Variants in SYNCRIP observed in about 807,000 individuals in gnomAD.
SYNCRIP encodes heterogeneous nuclear ribonucleoprotein Q.
In SYNCRIP, 9 loss-of-function variants were observed where a neutral mutation model predicts 68.9. That is an observed-to-expected ratio of 0.13 (90% confidence interval 0.08 to 0.23). The LOEUF is 0.23. SYNCRIP is among the 10% of genes least tolerant of loss of function. The pLI, the probability that SYNCRIP is intolerant of heterozygous loss-of-function variation, is 1.00. For missense variants in SYNCRIP, 414 were observed against 770.6 expected, an observed-to-expected ratio of 0.54 and a Z score of 5.48; for synonymous variants, 258 against 254.0, an observed-to-expected ratio of 1.02 and a Z score of -0.15.
chr6:85,637,851 A>AG (rs1317561568), intron 4 of SYNCRIP, among the ~76,000 whole-genome samples: 1 of 152,186 alleles, frequency 6.6e-6, no homozygotes, highest in East Asian at 1.9e-4. Flanking sequence ...TGGGAGCTAC[A>AG]GGGAAAAAAA....
chr6:85,607,838 G>A (rs892813315), downstream of SYNCRIP: 1 of 151,986 alleles, frequency 6.6e-6, no homozygotes. Context: ...CAAACTTCCA[G>A]GACTGTTCTG....
intron 8 of SYNCRIP, among the ~76,000 whole-genome samples, chr6:85,622,096 G>A (rs1318030060): frequency 6.6e-6 from 1 of 152,160 alleles, no homozygotes; most frequent in Non-Finnish European, 1.5e-5. Context: ...CCAGGGCCAG[G>A]TGCAATAGCC....
intron 6 of SYNCRIP, among the ~76,000 whole-genome samples, chr6:85,633,257 AAAACAAATAAAT>A (rs1261979730): frequency 1.5e-5 from 2 of 137,860 alleles, no homozygotes; most frequent in Admixed American, 7.0e-5. Context: ...CTCCATCTCA[AAAACAAATAAAT>A]AAATAAATAA....
intron 10 of SYNCRIP, among the ~76,000 whole-genome samples, chr6:85,616,155 G>A (rs1310657859): frequency 1.3e-5 from 2 of 152,060 alleles, no homozygotes; most frequent in Non-Finnish European, 2.9e-5. Flanking sequence ...TATGTAAAAG[G>A]ACTAAACGAA....
intron 2 of SYNCRIP, 82 bp downstream of exon 2, chr6:85,641,210 A>G (rs947964042): frequency 7.4e-6 from 9 of 1,210,618 alleles, no homozygotes; most frequent in Non-Finnish European, 1.1e-5. Context: ...ATTGGAAACC[A>G]CAAAAAGTTG....
intron 6 of SYNCRIP, among the ~76,000 whole-genome samples, chr6:85,633,727 C>G (rs1051629515): frequency 2.0e-5 from 3 of 151,914 alleles, no homozygotes; most frequent in African/African-American, 4.8e-5. Flanking sequence ...CTCTGTTGCC[C>G]AGGCTGGAGT....
At chr6:85,628,335 C>T (rs1255597660) in intron 6 of SYNCRIP, among the ~76,000 whole-genome samples, 1 of 152,224 alleles carries the variant, frequency 6.6e-6, no homozygotes, top group African/African-American at 2.4e-5. Flanking sequence ...GGATCACAGG[C>T]ATGATCCACC....
At chr6:85,627,316 C>G (rs1218319884) in intron 6 of SYNCRIP, among the ~76,000 whole-genome samples, 4 of 149,568 alleles carry the variant, frequency 2.7e-5, no homozygotes, top group African/African-American at 9.8e-5. Context: ...ACAGGTAACA[C>G]AGAGAGTCAA....
rs999786906 is a variant in SYNCRIP, at chr6:85,637,237, C to A, written c.489+6G>T. 1 of 1,612,718 alleles carries A rather than the reference C, an allele frequency of 6.2e-7. No individual in the cohort carries two copies. The highest frequency in any genetic ancestry group is 8.5e-7 in the Non-Finnish European group (1 of 1,179,444). On this transcript the variant is annotated splice_donor_region_variant and intron_variant, in intron 5 of 10. Transcript: ENST00000369622. ...TACAAAAGGTACAAGTTTTTAGTTG[C>A]TTTACCTCAGTGCCAACAGAAGGCT... is the stretch of plus-strand genomic sequence containing the variant.
chr6:85,632,276 G>C (rs1029268452), intron 6 of SYNCRIP, among the ~76,000 whole-genome samples: 5 of 152,126 alleles, frequency 3.3e-5, no homozygotes, highest in Admixed American at 6.5e-5. Flanking sequence ...GAGAAACAGA[G>C]GTGCTTCAAT....
chr6:85,638,380 CAAAAAAAAAAAAAAA>C (rs71003001), intron 4 of SYNCRIP, among the ~76,000 whole-genome samples: 5 of 42,848 alleles, frequency 1.2e-4, no homozygotes, highest in African/African-American at 3.0e-4. Context: ...GACCCCATCT[CAAAAAAAAAAAAAAA>C]AAAAAAAAAA....
In SYNCRIP at chr6:85,614,419, A is replaced by T. The variant is rs1232166755; in HGVS notation, c.*337T>A. The T allele has an allele frequency of 9.8e-7, 1 of 1,020,582 alleles. No individual in the cohort carries two copies. The highest frequency in any genetic ancestry group is 1.2e-6 in the Non-Finnish European group (1 of 853,778). The allele number at this position is 1,020,582 out of a possible 1,614,324, so 63.2% of individuals were successfully genotyped here. A position where few individuals can be genotyped will look rare whatever the true frequency, so the allele number is the denominator to read the frequency against. On this transcript the variant is annotated 3_prime_UTR_variant, in exon 11 of 11. Coordinates refer to ENST00000369622, the MANE Select transcript of SYNCRIP (RefSeq NM_006372.5). ...ATTAAAGACACACTTGGTTTTAATC[A>T]ACTACCTTTGAAGACACCAAATCTA...
chr6:85,632,348 T>C (rs1807895726), intron 6 of SYNCRIP, among the ~76,000 whole-genome samples: 1 of 152,186 alleles, frequency 6.6e-6, no homozygotes, highest in South Asian at 2.1e-4. Context: ...TTTAGTTATA[T>C]ATAACTAGAA....
At chr6:85,617,652 T>G (rs1805938325) in intron 10 of SYNCRIP, among the ~76,000 whole-genome samples, 1 of 152,222 alleles carries the variant, frequency 6.6e-6, no homozygotes, top group African/African-American at 2.4e-5. Flanking sequence ...CTGAAGAAAT[T>G]GAGGTTCAGA....
chr6:85,623,155 C>T (rs1275531473), intron 7 of SYNCRIP, among the ~76,000 whole-genome samples: 4 of 152,072 alleles, frequency 2.6e-5, no homozygotes, highest in Admixed American at 6.6e-5. Flanking sequence ...AAGTTGATAA[C>T]AGGCTGATAA....
chr6:85,623,583 A>AAAAAAACAAAAAAC (rs1562087872), intron 7 of SYNCRIP, among the ~76,000 whole-genome samples: 4 of 144,006 alleles, frequency 2.8e-5, no homozygotes, highest in African/African-American at 1.0e-4. Flanking sequence ...AAAAAAAAAA[A>AAAAAAACAAAAAAC]CACTCTGCTA....
downstream of SYNCRIP, chr6:85,611,600 G>C (rs1035535980): frequency 3.3e-5 from 5 of 152,374 alleles, no homozygotes; most frequent in African/African-American, 1.2e-4. Context: ...TATCAACTTA[G>C]GACTTGGCAA....
At chr6:85,633,088 T>TA (rs935609115) in intron 6 of SYNCRIP, among the ~76,000 whole-genome samples, 2 of 150,244 alleles carry the variant, frequency 1.3e-5, no homozygotes, top group Non-Finnish European at 3.0e-5. Context: ...CTGTCTCTAC[T>TA]AAAAAAATAC....
intron 10 of SYNCRIP, among the ~76,000 whole-genome samples, chr6:85,616,961 C>A (rs1269148662): frequency 6.6e-6 from 1 of 152,042 alleles, no homozygotes; most frequent in Non-Finnish European, 1.5e-5. Context: ...CAAGAATTAT[C>A]CAGCCCAAAA....
Sources: allele counts gnomAD v4.1 joint callset (sites outside exome capture counted in the v4.1 genomes callset), GRCh38; gene constraint gnomAD v4.1.1; transcripts MANE v1.5; gene names NCBI Gene and HGNC (gene_info 2026-07-23, HGNC 2026-07-21).